TMPRSS12: variants seen among roughly 807,000 people sequenced by gnomAD.
TMPRSS12 encodes transmembrane serine protease 12.
TMPRSS12 carries 25 observed loss-of-function variants against 26.0 expected under a neutral mutation model. The ratio of observed to expected loss-of-function variants is 0.96; its 90% CI spans 0.70 to 1.34. The LOEUF (loss-of-function observed/expected upper bound fraction) is 1.34, where lower values mean the gene tolerates loss of function less well. Ranked by LOEUF, TMPRSS12 falls within the 40% of genes most tolerant of loss-of-function variation. The pLI is 0.00. For synonymous variants in TMPRSS12, 150 were observed against 161.7 expected, an observed-to-expected ratio of 0.93 and a Z score of 0.55; for missense variants, 441 against 440.1, an observed-to-expected ratio of 1.00 and a Z score of -0.02.
At chr12:50,872,438 G>A (rs1412766441) in intron 3 of TMPRSS12, among the ~76,000 whole-genome samples, 5 of 144,294 alleles carry the variant, frequency 3.5e-5, no homozygotes, top group African/African-American at 5.1e-5. Context: ...GCGTGAACCC[G>A]GGAAGCGGAG....
chr12:50,847,906 T>C (rs60049103), intron 2 of TMPRSS12: 1 of 151,558 alleles, frequency 6.6e-6, no homozygotes, highest in African/African-American at 2.4e-5. Context: ...AAAAAATATA[T>C]ATATATATAT....
chr12:50,884,555 G>A (rs944431650), intron 3 of TMPRSS12, among the ~76,000 whole-genome samples: 4 of 152,002 alleles, frequency 2.6e-5, no homozygotes, highest in Admixed American at 6.6e-5. Flanking sequence ...TGAAACCCTC[G>A]TACTTTGCTA....
chr12:50,879,132 G>T (rs1411505776), intron 3 of TMPRSS12, among the ~76,000 whole-genome samples: 1 of 152,126 alleles, frequency 6.6e-6, no homozygotes, highest in Non-Finnish European at 1.5e-5. Context: ...TATTTTAGCA[G>T]CACAAAGAGA....
chr12:50,858,388 C>T lies in TMPRSS12; in HGVS notation c.384-397C>T, dbSNP rs181639575. Reference sequence around the variant, plus strand: ...ATCTCTAAAAGATGGGAACTCTTTACTAAATAGATTTGTACATTTAAATAT... The same window carrying T: ...ATCTCTAAAAGATGGGAACTCTTTATTAAATAGATTTGTACATTTAAATAT... On this transcript the variant is annotated intron_variant, in intron 2 of 4. Coordinates refer to ENST00000398458, the MANE Select transcript of TMPRSS12 (RefSeq NM_182559.3). Among the ~76,000 whole-genome samples the T allele has an allele frequency of 3.9e-5, 6 of 152,296 alleles. No individual in the cohort carries two copies. The East Asian group carries it at 1.2e-3, about 29-fold the overall frequency.
chr12:50,862,929 A>G (rs1937951659), intron 3 of TMPRSS12, among the ~76,000 whole-genome samples: 1 of 152,142 alleles, frequency 6.6e-6, no homozygotes, highest in Non-Finnish European at 1.5e-5. Flanking sequence ...AAGCTGGATT[A>G]CACGTGTAAT....
intron 3 of TMPRSS12, among the ~76,000 whole-genome samples, chr12:50,861,018 A>G (rs1461878631): frequency 6.6e-6 from 1 of 152,178 alleles, no homozygotes; most frequent in African/African-American, 2.4e-5. Flanking sequence ...AGCTGGGTTT[A>G]TAGGCATGAG....
intron 3 of TMPRSS12, among the ~76,000 whole-genome samples, chr12:50,866,760 G>A (rs987653205): frequency 6.6e-6 from 1 of 152,100 alleles, no homozygotes; most frequent in African/African-American, 2.4e-5. Context: ...TGGAACAGGT[G>A]CTGGTATTCA....
At chr12:50,856,542 A>G (rs1047800537) in intron 2 of TMPRSS12, among the ~76,000 whole-genome samples, 1 of 152,208 alleles carries the variant, frequency 6.6e-6, no homozygotes, top group Non-Finnish European at 1.5e-5. Context: ...TAAAACCACT[A>G]TAAACATTTG....
intron 2 of TMPRSS12, among the ~76,000 whole-genome samples, chr12:50,846,293 A>G (rs1368263330): frequency 6.6e-6 from 1 of 151,818 alleles, no homozygotes; most frequent in Non-Finnish European, 1.5e-5. Context: ...TAGGTCTTTG[A>G]TTCATTTTGA....
chr12:50,858,755 T>C lies in TMPRSS12; in HGVS notation c.384-30T>C, dbSNP rs1592219115. The C allele has an allele frequency of 1.2e-5, 17 of 1,448,282 alleles. No individual in the cohort carries two copies. In the East Asian group the frequency reaches 4.0e-4, roughly 34 times the overall value. 89.7% of individuals were successfully genotyped at this position (1,448,282 alleles called of 1,614,324 possible). A position where few individuals can be genotyped will look rare whatever the true frequency, so the allele number is the denominator to read the frequency against. ...ATATGTACTTAGTTAATTAAAGATATTTATAATAAGAATGTTTACTTTCTT... is the reference window on the plus strand; with the variant it reads ...ATATGTACTTAGTTAATTAAAGATACTTATAATAAGAATGTTTACTTTCTT... On this transcript the variant is annotated intron_variant, in intron 2 of 4. Transcript: ENST00000398458.
intron 3 of TMPRSS12, among the ~76,000 whole-genome samples, chr12:50,875,256 A>G (rs1938101778): frequency 6.6e-6 from 1 of 152,042 alleles, no homozygotes; most frequent in Admixed American, 6.6e-5. Flanking sequence ...TTGGGAGGCC[A>G]AGGTGGGCGG....
intron 3 of TMPRSS12, among the ~76,000 whole-genome samples, chr12:50,872,771 G>A (rs1436240839): frequency 1.3e-4 from 7 of 55,746 alleles, no homozygotes; most frequent in Non-Finnish European, 2.4e-4. Flanking sequence ...TATATATGAC[G>A]TATATATGTA....
chr12:50,869,614 A>C (rs1938023153), intron 3 of TMPRSS12, among the ~76,000 whole-genome samples: 1 of 152,180 alleles, frequency 6.6e-6, no homozygotes, highest in African/African-American at 2.4e-5. Flanking sequence ...ATTCCACAAG[A>C]TAGAGAAAGA....
chr12:50,857,788 TTTGTTGTTG>T (rs10602762), intron 2 of TMPRSS12, among the ~76,000 whole-genome samples: 1 of 147,542 alleles, frequency 6.8e-6, no homozygotes, highest in Admixed American at 6.7e-5. Context: ...GGTTTAGTTT[TTTGTTGTTG>T]TTGTTGTTGT....
intron 3 of TMPRSS12, among the ~76,000 whole-genome samples, chr12:50,872,864 C>CGTA (rs74805269): frequency 1.1e-3 from 13 of 12,252 alleles, no homozygotes; most frequent in Non-Finnish European, 1.5e-3. Flanking sequence ...ATATATATGA[C>CGTA]TATATATGTA....
chr12:50,866,857 G>T (rs1010309350), intron 3 of TMPRSS12, among the ~76,000 whole-genome samples: 2 of 152,086 alleles, frequency 1.3e-5, no homozygotes, highest in African/African-American at 4.8e-5. Context: ...AGACTTGCTG[G>T]GTGGCTAGAC....
At chr12:50,871,733 C>T (rs1290116183) in intron 3 of TMPRSS12, among the ~76,000 whole-genome samples, 1 of 151,906 alleles carries the variant, frequency 6.6e-6, no homozygotes, top group Non-Finnish European at 1.5e-5. Flanking sequence ...CAAACTTAGA[C>T]AAATCAGCAA....
At chr12:50,879,529 TATG>T (rs1322617686) in intron 3 of TMPRSS12, among the ~76,000 whole-genome samples, 1 of 152,240 alleles carries the variant, frequency 6.6e-6, no homozygotes, top group Non-Finnish European at 1.5e-5. Context: ...TCCATTTCAA[TATG>T]ATATTAGTAA....
At position 50,887,565 on chromosome 12, in the gene TMPRSS12, G is replaced by C. The variant is rs879125699; in HGVS notation, c.*52G>C. The C allele has an allele frequency of 6.4e-7, 1 of 1,565,110 alleles. No individual in the cohort carries two copies. The highest frequency in any genetic ancestry group is 8.6e-7 in the Non-Finnish European group (1 of 1,160,124). On this transcript the variant is annotated 3_prime_UTR_variant, in exon 5 of 5. Coordinates refer to ENST00000398458, the MANE Select transcript of TMPRSS12 (RefSeq NM_182559.3). ...TATTTTGCATTGTGTCCCTTTCTAT[G>C]TTCTATATAATGAACATCATTTATT...
Sources: allele counts gnomAD v4.1 joint callset (sites outside exome capture counted in the v4.1 genomes callset), GRCh38; gene constraint gnomAD v4.1.1; transcripts MANE v1.5; gene names NCBI Gene and HGNC (gene_info 2026-07-23, HGNC 2026-07-21).